Variants in DOK6 observed in about 807,000 individuals in gnomAD.
The protein encoded by DOK6 is docking protein 6, also known as downstream of tyrosine kinase 6.
A neutral mutation model predicts 44.0 loss-of-function variants in DOK6; 22 were observed. The ratio of observed to expected loss-of-function variants is 0.50; its 90% confidence interval spans 0.36 to 0.71. The LOEUF (loss-of-function observed/expected upper bound fraction) is 0.71. Ranked by LOEUF, DOK6 falls within the 30% of genes least tolerant of loss-of-function variation. The pLI, the probability that DOK6 is intolerant of heterozygous loss-of-function variation, is 0.00. For missense variants in DOK6, 340 were observed against 416.4 expected, an observed-to-expected ratio of 0.82 and a Z score of 1.60; for synonymous variants, 166 against 145.5, an observed-to-expected ratio of 1.14 and a Z score of -1.01.
intron 5 of DOK6, among the ~76,000 whole-genome samples, chr18:69,727,213 C>T (rs1978313965): frequency 6.6e-6 from 1 of 152,064 alleles, no homozygotes; most frequent in Non-Finnish European, 1.5e-5. Context: ...GCCCTCATGA[C>T]CTACTTACCT....
At position 69,786,808 on chromosome 18, in the gene DOK6, C is replaced by T. The variant is rs140462581; in HGVS notation, c.856+28935C>T. On this transcript the variant is annotated intron_variant, in intron 7 of 7. Coordinates refer to ENST00000382713, the MANE Select transcript of DOK6 (RefSeq NM_152721.6). ...GACATTTTGTTATATAAAATTCATA[C>T]ATATGGGTACATTATGTTGAACCAC... is the stretch of plus-strand genomic sequence containing the variant. Among the ~76,000 whole-genome samples the T allele has an allele frequency of 8.4e-3, 1,284 of 152,326 alleles. 19 individuals carry two copies. Among genetic ancestry groups the T allele is most frequent in the African/African-American group, 0.029 (1,222 of 41,554 alleles).
chr18:69,411,475 T>C (rs1978305705), intron 1 of DOK6, among the ~76,000 whole-genome samples: 2 of 152,124 alleles, frequency 1.3e-5, no homozygotes, highest in Non-Finnish European at 2.9e-5. Flanking sequence ...TGGAGAACCA[T>C]TGCCACAGAA....
At chr18:69,626,671 T>G (rs1298606584) in intron 3 of DOK6, among the ~76,000 whole-genome samples, 1 of 152,212 alleles carries the variant, frequency 6.6e-6, no homozygotes, top group Non-Finnish European at 1.5e-5. Context: ...AAATAAACTT[T>G]CTCATAGCTT....
chr18:69,741,449 T>C (rs2144739765), intron 6 of DOK6, among the ~76,000 whole-genome samples: 1 of 152,288 alleles, frequency 6.6e-6, no homozygotes, highest in Middle Eastern at 3.4e-3. Context: ...TTTCCAGTTC[T>C]CCAGATACAA....
intron 2 of DOK6, among the ~76,000 whole-genome samples, chr18:69,571,863 G>A (rs2144603473): frequency 6.6e-6 from 1 of 152,070 alleles, no homozygotes; most frequent in Admixed American, 6.6e-5. Context: ...TATGAGATCA[G>A]ACTTAACACA....
intron 3 of DOK6, among the ~76,000 whole-genome samples, chr18:69,609,449 A>G (rs1055491158): frequency 2.3e-4 from 34 of 146,146 alleles, no homozygotes; most frequent in Non-Finnish European, 4.5e-4. Flanking sequence ...GAGTATTATG[A>G]AAATGTAAAT....
intron 1 of DOK6, among the ~76,000 whole-genome samples, chr18:69,550,781 T>TTTTTTTTTTTTTTTTTTTTTTTTTC (rs1982544895): frequency 1.9e-5 from 1 of 51,872 alleles, no homozygotes; most frequent in Non-Finnish European, 6.0e-5. Flanking sequence ...TTCTTTCTTT[T>TTTTTTTTTTTTTTTTTTTTTTTTTC]TTTTTTTTTT....
chr18:69,462,329 C>T (rs1979811507), intron 1 of DOK6, among the ~76,000 whole-genome samples: 1 of 151,998 alleles, frequency 6.6e-6, no homozygotes, highest in Admixed American at 6.6e-5. Context: ...GAAATCTTAG[C>T]TATTGGCCTT....
intron 1 of DOK6, among the ~76,000 whole-genome samples, chr18:69,510,088 T>C (rs1243619200): frequency 6.6e-6 from 1 of 152,212 alleles, no homozygotes; most frequent in African/African-American, 2.4e-5. Flanking sequence ...AGACTAATGC[T>C]CTAATTTGTG....
intron 1 of DOK6, among the ~76,000 whole-genome samples, chr18:69,525,198 A>AT (rs1568285307): frequency 6.6e-6 from 1 of 151,688 alleles, no homozygotes; most frequent in South Asian, 2.1e-4. Context: ...TATACTTCAG[A>AT]TTTTTTCTTT....
rs1984101343 is a variant in DOK6 at position 69,610,083 on chromosome 18, AACATGGC to A, written c.289+10588_289+10594del. Among the ~76,000 whole-genome samples the A allele has an allele frequency of 3.3e-5, 5 of 152,358 alleles. No individual in the cohort carries two copies. In the South Asian group the frequency reaches 1.0e-3, roughly 32 times the overall value. On this transcript the variant is annotated intron_variant, in intron 3 of 7. Coordinates refer to ENST00000382713, the MANE Select transcript of DOK6 (RefSeq NM_152721.6). ...AATAAGTTCTAGAGATCTTCTGTAC[AACATGGC>A]ACCTCTATTCATCAATAATGTATTG...
chr18:69,421,689 C>CAGA (rs1978496717), intron 1 of DOK6, among the ~76,000 whole-genome samples: 1 of 152,134 alleles, frequency 6.6e-6, no homozygotes, highest in Admixed American at 6.5e-5. Flanking sequence ...AGTTTTATAT[C>CAGA]TGATACAGTC....
At chr18:69,727,153 C>T (rs1978313332) in intron 5 of DOK6, among the ~76,000 whole-genome samples, 1 of 152,148 alleles carries the variant, frequency 6.6e-6, no homozygotes, top group Non-Finnish European at 1.5e-5. Flanking sequence ...GCCACTGCAC[C>T]AGGCCTAGGT....
At position 69,593,209 on chromosome 18, in the gene DOK6, T is replaced by A. The variant is rs1983661627; in HGVS notation, c.175-6175T>A. Reference sequence around the variant, plus strand: ...GAGAGAGCCCATTTCTACAAAAAAATTAAATTAAAAAAATTAGTTGGGCAT... The same window carrying A: ...GAGAGAGCCCATTTCTACAAAAAAAATAAATTAAAAAAATTAGTTGGGCAT... On this transcript the variant is annotated intron_variant, in intron 2 of 7. Coordinates refer to ENST00000382713, the MANE Select transcript of DOK6 (RefSeq NM_152721.6). Among the ~76,000 whole-genome samples, 3 of 151,804 alleles carry A rather than the reference T, an allele frequency of 2.0e-5. No homozygotes were observed. The South Asian group carries it at 6.2e-4, about 32-fold the overall frequency.
intron 1 of DOK6, among the ~76,000 whole-genome samples, chr18:69,441,827 G>A (rs920742466): frequency 4.6e-5 from 7 of 152,056 alleles, no homozygotes; most frequent in Admixed American, 6.6e-5. Flanking sequence ...GTAGAACACC[G>A]GTGTGCATAA....
chr18:69,656,646 A>C (rs1213221587), intron 3 of DOK6, among the ~76,000 whole-genome samples: 1 of 152,262 alleles, frequency 6.6e-6, no homozygotes, highest in Non-Finnish European at 1.5e-5. Context: ...TATTTTAAGA[A>C]TTTAAAAACA....
chr18:69,429,177 A>C (rs778740359), intron 1 of DOK6, among the ~76,000 whole-genome samples: 2 of 152,132 alleles, frequency 1.3e-5, no homozygotes, highest in Non-Finnish European at 2.9e-5. Flanking sequence ...TTTTGTTGTA[A>C]TATATGCTTC....
At chr18:69,728,767 C>T (rs1568107682) in intron 5 of DOK6, among the ~76,000 whole-genome samples, 1 of 152,198 alleles carries the variant, frequency 6.6e-6, no homozygotes, top group Non-Finnish European at 1.5e-5. Flanking sequence ...TTCTCAACTA[C>T]AAGCTGGTTC....
In DOK6 at chr18:69,818,681, G is replaced by A. The variant is rs528852272; in HGVS notation, c.857-22563G>A. 5.0e-4 allele frequency among the ~76,000 whole-genome samples: 76 copies of A among 152,198 alleles called. 2 individuals are homozygous for A. In the South Asian group the frequency reaches 0.015, roughly 30 times the overall value. On this transcript the variant is annotated intron_variant, in intron 7 of 7. Coordinates refer to ENST00000382713, the MANE Select transcript of DOK6 (RefSeq NM_152721.6). ...CATGAGCATTTGATTGAATAACTGG[G>A]GCTGTAGCCTAGCTATGTTTACACA... is the stretch of plus-strand genomic sequence containing the variant.
Sources: gnomAD v4.1 joint callset for allele counts (sites outside exome capture counted in the v4.1 genomes callset) on GRCh38, gnomAD v4.1.1 for gene constraint, MANE v1.5 for transcripts, NCBI Gene and HGNC (gene_info 2026-07-23, HGNC 2026-07-21) for gene names.